Variants in RASGRF2 observed in about 807,000 individuals in gnomAD.
RASGRF2 encodes the protein ras-specific guanine nucleotide-releasing factor 2.
RASGRF2 carries 76 observed loss-of-function variants against 151.0 expected under a neutral mutation model. The ratio of observed to expected loss-of-function variants is 0.50; its 90% CI spans 0.42 to 0.61. RASGRF2 has a LOEUF of 0.61. Among genes scored for constraint, RASGRF2 ranks in the 20% least tolerant of loss-of-function variants. The probability of loss-of-function intolerance (pLI) is 0.00; values close to 1 mark genes in which losing one functional copy is unlikely to be tolerated. For synonymous variants in RASGRF2, 504 were observed against 566.5 expected, an observed-to-expected ratio of 0.89 and a Z score of 1.57; for missense variants, 1,148 against 1,564.6, an observed-to-expected ratio of 0.73 and a Z score of 4.49.
intron 1 of RASGRF2, among the ~76,000 whole-genome samples, chr5:81,027,546 G>T (rs746188919): frequency 6.6e-6 from 1 of 152,146 alleles, no homozygotes; most frequent in Non-Finnish European, 1.5e-5. Flanking sequence ...TAAGCCATTT[G>T]TTTTGGTAGT....
In RASGRF2 at chr5:80,981,613, C is replaced by T. The variant is rs924621814; in HGVS notation, c.288+20587C>T. 7.9e-5 allele frequency among the ~76,000 whole-genome samples: 12 copies of T among 152,058 alleles called. 1 individual carries two copies. In the South Asian group the frequency reaches 1.5e-3, roughly 19 times the overall value. On this transcript the variant is annotated intron_variant, in intron 1 of 26. Coordinates refer to ENST00000265080, the MANE Select transcript of RASGRF2 (RefSeq NM_006909.3). ...CAGAGTCTCACTCTGTCGCCCAGGT[C>T]GGAGTGCAGTGGCATGATCTTGGCT...
chr5:81,144,237 G>A (rs1753952656), intron 17 of RASGRF2, among the ~76,000 whole-genome samples: 1 of 152,166 alleles, frequency 6.6e-6, no homozygotes. Context: ...GTAATCTATG[G>A]AAACATACTG....
intron 1 of RASGRF2, 37 bp downstream of exon 1, chr5:80,961,063 G>C: frequency 3.5e-6 from 5 of 1,414,748 alleles, no homozygotes; most frequent in Non-Finnish European, 4.6e-6. Flanking sequence ...TCCCAGCCTT[G>C]ATCGCCGCAC....
intron 26 of RASGRF2, among the ~76,000 whole-genome samples, chr5:81,224,048 C>A (rs1755919076): frequency 6.6e-6 from 1 of 152,126 alleles, no homozygotes; most frequent in Admixed American, 6.5e-5. Context: ...AAAATATAAG[C>A]AGTAGACAAT....
chr5:81,132,031 A>G (rs1010374792), intron 17 of RASGRF2, among the ~76,000 whole-genome samples: 1 of 151,814 alleles, frequency 6.6e-6, no homozygotes, highest in South Asian at 2.1e-4. Flanking sequence ...GTTAATTTCA[A>G]CTCCCTACCA....
chr5:80,979,859 T>C (rs1748242539), intron 1 of RASGRF2, among the ~76,000 whole-genome samples: 2 of 152,190 alleles, frequency 1.3e-5, no homozygotes, highest in Non-Finnish European at 2.9e-5. Context: ...TCTGAAAACC[T>C]GCTTGGAAAG....
chr5:81,145,260 G>A (rs1055996299), intron 17 of RASGRF2, among the ~76,000 whole-genome samples: 3 of 152,130 alleles, frequency 2.0e-5, no homozygotes, highest in Middle Eastern at 3.4e-3. Context: ...AATAAGTGAA[G>A]AAGGGGCCCA....
chr5:81,152,056 C>T (rs1561233303), intron 17 of RASGRF2, among the ~76,000 whole-genome samples: 2 of 152,086 alleles, frequency 1.3e-5, no homozygotes. Flanking sequence ...GGCTGGAGTG[C>T]AGTGGCACGA....
intron 18 of RASGRF2, among the ~76,000 whole-genome samples, chr5:81,182,652 CAG>C (rs1754944715): frequency 6.6e-6 from 1 of 152,174 alleles, no homozygotes; most frequent in African/African-American, 2.4e-5. Context: ...TTCGAATAGA[CAG>C]AGCTGCTCTC....
In RASGRF2 at chr5:81,097,819, G is replaced by A. The variant is rs553764905; in HGVS notation, c.1755+2827G>A. Among the ~76,000 whole-genome samples the A allele has an allele frequency of 2.6e-5, 4 of 152,320 alleles. No homozygotes were observed. The South Asian group carries it at 8.3e-4, about 32-fold the overall frequency. On this transcript the variant is annotated intron_variant, in intron 12 of 26. Coordinates refer to ENST00000265080, the MANE Select transcript of RASGRF2 (RefSeq NM_006909.3). ...AAAGAAAGTCAATGAGGTAACAGGG[G>A]CCAGATCAAGAATGCCTTTCTAAGC... is the stretch of plus-strand genomic sequence containing the variant.
In RASGRF2 at chr5:81,113,815, A is replaced by G; in HGVS notation, c.2365A>G (p.Ser789Gly). 1 of 1,614,214 alleles carries G rather than the reference A, an allele frequency of 6.2e-7. No individual in the cohort carries two copies. Among genetic ancestry groups the G allele is most frequent in the Non-Finnish European group, 8.5e-7 (1 of 1,180,030 alleles). ...CACTGGTCAGATACCACTGGATCTCAGCAGAGGCCTCTCTTCTCCAGAGCA... is the reference window on the plus strand; with the variant it reads ...CACTGGTCAGATACCACTGGATCTCGGCAGAGGCCTCTCTTCTCCAGAGCA... ...PHTGQIPLDL[S>G]RGLSSPEQSP... The change falls in exon 15 of 27, where the codon AGC becomes GGC. Residue 789 changes from serine to glycine, a missense_variant. Ser to Gly is a moderately conservative substitution (Grantham distance 56). Transcript: ENST00000265080.
chr5:80,985,795 A>G (rs1284561085), intron 1 of RASGRF2, among the ~76,000 whole-genome samples: 3 of 152,182 alleles, frequency 2.0e-5, no homozygotes, highest in Non-Finnish European at 4.4e-5. Context: ...AACTCCTGCC[A>G]GTTTGTGGAA....
At chr5:81,161,215 C>T (rs1158883520) in intron 17 of RASGRF2, among the ~76,000 whole-genome samples, 1 of 152,152 alleles carries the variant, frequency 6.6e-6, no homozygotes, top group African/African-American at 2.4e-5. Context: ...ATTTGAATTC[C>T]TGCCTAGGGT....
intron 9 of RASGRF2, chr5:81,088,481 C>G (rs1182211479): frequency 1.3e-5 from 2 of 152,216 alleles, no homozygotes; most frequent in East Asian, 3.8e-4. Context: ...AAGGAATTCT[C>G]TCTGCCTTAC....
intron 18 of RASGRF2, among the ~76,000 whole-genome samples, chr5:81,186,980 A>T (rs767795937): frequency 1.3e-5 from 2 of 152,202 alleles, no homozygotes; most frequent in Non-Finnish European, 2.9e-5. Context: ...TGGGAGGGTG[A>T]GGATTATGTG....
chr5:80,960,845 C>A lies in RASGRF2; in HGVS notation c.107C>A (p.Ala36Glu), dbSNP rs762583014. ...RGFLSKKTAE[A>E]SRWHEKWFAL... ...TTCCTGAGTAAGAAGACGGCCGAGG[C>A]GAGCCGCTGGCACGAGAAGTGGTTC... is the stretch of plus-strand genomic sequence containing the variant. Residue 36 changes from alanine to glutamate, a missense_variant, in exon 1 of 27, where the codon GCG becomes GAG. Coordinates refer to ENST00000265080, the MANE Select transcript of RASGRF2 (RefSeq NM_006909.3). This position sits in a 1 kb window ranked among gnomAD's most constrained non-coding sequence, Gnocchi z 5.5. 3 of 1,608,296 alleles carry A rather than the reference C, an allele frequency of 1.9e-6. No homozygotes were observed. The highest frequency in any genetic ancestry group is 1.7e-6 in the Non-Finnish European group (2 of 1,178,246).
rs926988606 is a variant in RASGRF2 at position 81,094,975 on chromosome 5, A to T, written c.1738A>T (p.Met580Leu). The T allele has an allele frequency of 1.9e-6, 3 of 1,554,046 alleles. No individual in the cohort carries two copies. The highest frequency in any genetic ancestry group is 2.6e-6 in the Non-Finnish European group (3 of 1,151,602). ...APSRQEKAAW[M>L]SDISQCVDNI... Reference sequence around the variant, plus strand: ...CTCACGCCAGGAGAAAGCTGCCTGGATGAGTGACATCAGTCAGGTAAGAAA... The same window carrying T: ...CTCACGCCAGGAGAAAGCTGCCTGGTTGAGTGACATCAGTCAGGTAAGAAA... The change falls in exon 12 of 27, where the codon ATG (methionine) becomes TTG (leucine). Residue 580 changes from methionine (M) to leucine (L), a missense_variant. Met to Leu is a conservative substitution (Grantham distance 15). Coordinates refer to ENST00000265080, the MANE Select transcript of RASGRF2 (RefSeq NM_006909.3).
chr5:81,001,685 C>T (rs988340381), intron 1 of RASGRF2, among the ~76,000 whole-genome samples: 1 of 152,164 alleles, frequency 6.6e-6, no homozygotes, highest in Non-Finnish European at 1.5e-5. Context: ...CTTGTGAAAA[C>T]CCAGAGCAAC....
chr5:81,201,758 A>G (rs1347640501), intron 19 of RASGRF2, among the ~76,000 whole-genome samples: 2 of 152,220 alleles, frequency 1.3e-5, no homozygotes, highest in African/African-American at 2.4e-5. Context: ...GGCAGGCATC[A>G]AAGAGAGATG....
Sources: gnomAD v4.1 joint callset for allele counts (sites outside exome capture counted in the v4.1 genomes callset) on GRCh38, gnomAD v4.1.1 for gene constraint, Gnocchi (gnomAD v3.1) non-coding constraint, MANE v1.5 for transcripts, NCBI Gene and HGNC (gene_info 2026-07-23, HGNC 2026-07-21) for gene names.